Variants in GNAQ observed in about 807,000 individuals in gnomAD.
GNAQ encodes guanine nucleotide-binding protein G(q) subunit alpha.
In GNAQ, 8 loss-of-function variants were observed where a neutral mutation model predicts 43.9. The observed-to-expected ratio is 0.18, with a 90% confidence interval of 0.11 to 0.33. The LOEUF is 0.33. Ranked by LOEUF, GNAQ falls within the 10% of genes least tolerant of loss-of-function variation. GNAQ has a pLI of 1.00. For missense variants in GNAQ, 158 were observed against 450.8 expected (o/e 0.35, Z 5.88); for synonymous variants, 155 against 170.7 (o/e 0.91, Z 0.71).
intron 2 of GNAQ, among the ~76,000 whole-genome samples, chr9:77,880,354 A>C (rs1284424231): frequency 2.6e-5 from 4 of 152,104 alleles, no homozygotes; most frequent in African/African-American, 9.7e-5. Context: ...CAGTAAGTCA[A>C]GATATCTTGG....
intron 1 of GNAQ, among the ~76,000 whole-genome samples, chr9:77,953,000 T>G (rs1051150035): frequency 8.5e-5 from 13 of 152,228 alleles, no homozygotes; most frequent in Admixed American, 3.3e-4. Flanking sequence ...AAAACTTGTT[T>G]TCAAGCTACA....
intron 2 of GNAQ, among the ~76,000 whole-genome samples, chr9:77,919,284 C>T (rs770160491): frequency 6.6e-6 from 1 of 151,958 alleles, no homozygotes; most frequent in Non-Finnish European, 1.5e-5. Context: ...AGATATAATG[C>T]CAGGGACAAT....
chr9:77,867,134 T>C (rs1223981023), intron 2 of GNAQ, among the ~76,000 whole-genome samples: 2 of 152,144 alleles, frequency 1.3e-5, no homozygotes, highest in East Asian at 1.9e-4. Flanking sequence ...ACTCCATCTC[T>C]TTGCCTGAGC....
intron 1 of GNAQ, among the ~76,000 whole-genome samples, chr9:77,969,044 C>A (rs1823204456): frequency 6.6e-6 from 1 of 152,230 alleles, no homozygotes; most frequent in African/African-American, 2.4e-5. Context: ...GGTAGGACTT[C>A]ACTTTCTCCC....
chr9:77,907,464 A>G (rs1427038942), intron 2 of GNAQ, among the ~76,000 whole-genome samples: 1 of 152,200 alleles, frequency 6.6e-6, no homozygotes, highest in East Asian at 1.9e-4. Flanking sequence ...AGAACTAAAT[A>G]ATTTTGTTAA....
intron 3 of GNAQ, among the ~76,000 whole-genome samples, chr9:77,808,485 G>A (rs558551098): frequency 6.6e-6 from 1 of 151,522 alleles, no homozygotes; most frequent in Non-Finnish European, 1.5e-5. Context: ...CTCTGAAGAA[G>A]AGCAAACATA....
At chr9:78,028,801 G>A (rs1271607213) in intron 1 of GNAQ, among the ~76,000 whole-genome samples, 4 of 152,146 alleles carry the variant, frequency 2.6e-5, no homozygotes, top group South Asian at 2.1e-4. Flanking sequence ...GAAATCAACC[G>A]TCCTGGATTC....
chr9:77,750,567 T>C (rs1457593815), intron 5 of GNAQ, among the ~76,000 whole-genome samples: 5 of 152,226 alleles, frequency 3.3e-5, no homozygotes, highest in Admixed American at 3.3e-4. Context: ...TCCAGCCAAA[T>C]GGCACAGCTC....
In GNAQ at chr9:77,720,995, GAA is replaced by G. The variant is rs1825301382; in HGVS notation, c.*326_*327del. On this transcript the variant is annotated 3_prime_UTR_variant, in exon 7 of 7. Transcript: ENST00000286548. ...CAGCTTTGTTTTGCTCCATAGAAAA[GAA>G]AAAGAGAGAGAGACAGAAAGAAACA... 3.8e-6 allele frequency: 1 copy of G among 261,438 alleles called. No individual in the cohort carries two copies. The highest frequency in any genetic ancestry group is 7.3e-6 in the Non-Finnish European group (1 of 137,592). 16.2% of individuals were successfully genotyped at this position (261,438 alleles called of 1,614,324 possible).
intron 2 of GNAQ, among the ~76,000 whole-genome samples, chr9:77,906,586 A>G (rs1828712705): frequency 6.6e-6 from 1 of 152,216 alleles, no homozygotes; most frequent in South Asian, 2.1e-4. Context: ...AAAAATCACT[A>G]TTTTGTATAT....
At chr9:77,762,679 T>C (rs1348550233) in intron 5 of GNAQ, among the ~76,000 whole-genome samples, 2 of 151,818 alleles carry the variant, frequency 1.3e-5, no homozygotes, top group Non-Finnish European at 2.9e-5. Flanking sequence ...GGGAAAAGAT[T>C]GAGAAATCGG....
intron 5 of GNAQ, among the ~76,000 whole-genome samples, chr9:77,773,998 T>C (rs1408731215): frequency 5.3e-5 from 8 of 151,978 alleles, no homozygotes; most frequent in Non-Finnish European, 8.8e-5. Flanking sequence ...TCTTCTTCTT[T>C]TTTTTTTTTA....
intron 5 of GNAQ, among the ~76,000 whole-genome samples, chr9:77,732,291 T>G (rs1463498390): frequency 2.0e-5 from 3 of 151,720 alleles, no homozygotes; most frequent in South Asian, 2.1e-4. Flanking sequence ...GTCTGGGGGG[T>G]GGTGGTAATC....
intron 2 of GNAQ, among the ~76,000 whole-genome samples, chr9:77,880,537 A>C (rs1450144218): frequency 4.8e-5 from 7 of 145,138 alleles, no homozygotes; most frequent in African/African-American, 5.1e-5. Flanking sequence ...TGTGCCCCAC[A>C]CCTGGATGAT....
At chr9:77,762,995 A>G (rs1424749640) in intron 5 of GNAQ, among the ~76,000 whole-genome samples, 2 of 152,160 alleles carry the variant, frequency 1.3e-5, no homozygotes, top group East Asian at 3.9e-4. Flanking sequence ...TAGGAAAACC[A>G]GAGACCTTTG....
chr9:77,892,411 A>T (rs963328487), intron 2 of GNAQ, among the ~76,000 whole-genome samples: 7 of 152,234 alleles, frequency 4.6e-5, no homozygotes, highest in Non-Finnish European at 1.0e-4. Flanking sequence ...ACAAAGAAGG[A>T]CACTGTCTTG....
In GNAQ at chr9:78,031,618, T is replaced by C. The variant is rs1233706495; in HGVS notation, c.-383A>G. 6.9e-6 allele frequency among the ~76,000 whole-genome samples: 1 copy of C among 144,772 alleles called. No individual in the cohort carries two copies. Among genetic ancestry groups the C allele is most frequent in the African/African-American group, 2.5e-5 (1 of 39,436 alleles). The allele number at this position is 144,772 out of a possible 152,430, so 95.0% of individuals were successfully genotyped here. On this transcript the variant is annotated 5_prime_UTR_variant, in exon 1 of 7. Coordinates refer to ENST00000286548, the MANE Select transcript of GNAQ (RefSeq NM_002072.5). Reference sequence around the variant, plus strand: ...CCGCCGCCGCCGCCGCCTGCGAGGCTCCCCTACGCCGTGCGCCTGGCGGCG... The same window carrying C: ...CCGCCGCCGCCGCCGCCTGCGAGGCCCCCCTACGCCGTGCGCCTGGCGGCG...
intron 5 of GNAQ, among the ~76,000 whole-genome samples, chr9:77,761,523 AGCCGCCCCGTCCGGGAG>A (rs1173495951): frequency 1.5e-5 from 2 of 136,826 alleles, no homozygotes; most frequent in Non-Finnish European, 3.2e-5. Flanking sequence ...CCGCCCGGCC[AGCCGCCCCGTCCGGGAG>A]GGAGGTGGGG....
At chr9:77,919,613 C>T (rs984704093) in intron 2 of GNAQ, among the ~76,000 whole-genome samples, 6 of 151,882 alleles carry the variant, frequency 4.0e-5, no homozygotes, top group Non-Finnish European at 7.4e-5. Flanking sequence ...GTGAAAATGA[C>T]GCTTTAGAAC....
Sources: gnomAD v4.1 joint callset for allele counts (sites outside exome capture counted in the v4.1 genomes callset) on GRCh38, gnomAD v4.1.1 for gene constraint, MANE v1.5 for transcripts, NCBI Gene and HGNC (gene_info 2026-07-23, HGNC 2026-07-21) for gene names.